The following CCDC171 variants were observed in gnomAD, a reference collection of about 807,000 sequenced individuals.
CCDC171 encodes the protein coiled-coil domain containing 171, also known as coiled-coil domain-containing protein 171.
Under a neutral mutation model 168.2 loss-of-function variants are expected in CCDC171, and 177 were observed. The observed-to-expected ratio is 1.05, with a 90% confidence interval of 0.93 to 1.19. CCDC171 has a LOEUF of 1.19. CCDC171 is among the 50% of genes most tolerant of loss of function. The pLI is 0.00. For missense variants in CCDC171, 1,991 were observed against 1,539.0 expected, an observed-to-expected ratio of 1.29 and a Z score of -4.91; for synonymous variants, 687 against 540.8, an observed-to-expected ratio of 1.27 and a Z score of -3.75.
At chr9:16,051,217 A>G (rs1441078449) in intron 1 of CCDC171, among the ~76,000 whole-genome samples, 2 of 151,974 alleles carry the variant, frequency 1.3e-5, no homozygotes, top group Non-Finnish European at 2.9e-5. Context: ...GTCTTTGGGG[A>G]TGATAGCCCA....
chr9:15,999,645 C>T (rs1832481970), intron 3 of CCDC171, among the ~76,000 whole-genome samples: 1 of 152,194 alleles, frequency 6.6e-6, no homozygotes, highest in African/African-American at 2.4e-5. Context: ...AAGGACAAGG[C>T]TATAGAGACT....
At chr9:15,756,978 TTCTTTTGTAAATTGCTCAG>T (rs2056160901) in intron 18 of CCDC171, among the ~76,000 whole-genome samples, 1 of 152,222 alleles carries the variant, frequency 6.6e-6, no homozygotes, top group Non-Finnish European at 1.5e-5. Flanking sequence ...ATAAACCTCT[TTCTTTTGTAAATTGCTCAG>T]TCTCGGGTAT....
chr9:16,101,199 C>A, the CCDC171 span, among the ~76,000 whole-genome samples: 1 of 152,238 alleles, frequency 6.6e-6, no homozygotes, highest in Non-Finnish European at 1.5e-5. Context: ...TGCCTTTCAG[C>A]AGAGCCTGTA....
intron 6 of CCDC171, among the ~76,000 whole-genome samples, chr9:15,611,016 G>C (rs569072462): frequency 2.2e-3 from 333 of 152,166 alleles, no homozygotes; most frequent in Non-Finnish European, 1.7e-3. Context: ...GAGATCATGG[G>C]GGCAGATTTC....
At chr9:16,086,085 A>C in the CCDC171 span, among the ~76,000 whole-genome samples, 1 of 151,984 alleles carries the variant, frequency 6.6e-6, no homozygotes, top group African/African-American at 2.4e-5. Flanking sequence ...CTGGTCCTGG[A>C]CTTTTTTTGA....
chr9:15,602,937 C>T (rs1055939726), intron 6 of CCDC171, among the ~76,000 whole-genome samples: 3 of 151,846 alleles, frequency 2.0e-5, no homozygotes, highest in Admixed American at 1.3e-4. Flanking sequence ...AGATTACAGG[C>T]GTGAGCCATC....
At chr9:16,016,272 A>C (rs1452755853) in intron 3 of CCDC171, among the ~76,000 whole-genome samples, 3 of 152,058 alleles carry the variant, frequency 2.0e-5, no homozygotes, top group Admixed American at 6.6e-5. Flanking sequence ...GACATTTTTC[A>C]AATCCCCTTC....
rs541632760 is a variant in CCDC171, at chr9:15,627,577, C to G, written c.822+4164C>G. On this transcript the variant is annotated intron_variant, in intron 7 of 25. Coordinates refer to ENST00000380701, the MANE Select transcript of CCDC171 (RefSeq NM_173550.4). ...TTTCTGTCTTCATTTCGTTATGTAC[C>G]CAGTAGTCATTCAGGAGCAGGTTGT... 4.6e-5 allele frequency among the ~76,000 whole-genome samples: 7 copies of G among 152,174 alleles called. No individual in the cohort carries two copies. In the South Asian group the frequency reaches 1.2e-3, roughly 27 times the overall value.
chr9:15,749,029 A>G (rs968131925), intron 18 of CCDC171, among the ~76,000 whole-genome samples: 24 of 152,166 alleles, frequency 1.6e-4, no homozygotes, highest in African/African-American at 5.1e-4. Flanking sequence ...GGTAAATTGG[A>G]TAAAGAGTCA....
intron 5 of CCDC171, among the ~76,000 whole-genome samples, chr9:15,592,521 G>A (rs1410739363): frequency 6.6e-6 from 1 of 152,108 alleles, no homozygotes; most frequent in Non-Finnish European, 1.5e-5. Flanking sequence ...TGTTGTCATT[G>A]TCAGCAAATT....
Position 15,971,678 on chromosome 9 carries a change from A to T in CCDC171, c.3823A>T (p.Ile1275Phe). ...RAPLPADTTG[I>F]GDFLPLKAEL... is the part of the protein sequence containing the mutation. Reference sequence around the variant, plus strand: ...TCCTCTTCCTGCTGACACAACTGGTATTGGGGATTTCTTACCATTGAAAGC... The same window carrying T: ...TCCTCTTCCTGCTGACACAACTGGTTTTGGGGATTTCTTACCATTGAAAGC... The change falls in exon 26 of 26, where the codon ATT becomes TTT. Residue 1275 changes from isoleucine to phenylalanine, a missense_variant. Physicochemically the swap from Ile to Phe is conservative, Grantham distance 21. Transcript: ENST00000380701. 6.2e-7 allele frequency: 1 copy of T among 1,613,842 alleles called. No homozygotes were observed. The highest frequency in any genetic ancestry group is 1.1e-5 in the South Asian group (1 of 91,072).
intron 12 of CCDC171, 98 bp from the exon 13 acceptor site, chr9:15,723,583 G>T: frequency 4.0e-6 from 3 of 758,254 alleles, no homozygotes; most frequent in Admixed American, 2.8e-5. Flanking sequence ...TGCATAAAAA[G>T]CACTTAAAGA....
chr9:15,972,045 A>G lies in CCDC171; in HGVS notation c.*209A>G, dbSNP rs1831412916. The G allele has an allele frequency of 5.8e-6, 3 of 514,598 alleles. No individual in the cohort carries two copies. The highest frequency in any genetic ancestry group is 1.0e-5 in the Non-Finnish European group (3 of 293,474). The allele number at this position is 514,598 out of a possible 1,614,324, so 31.9% of individuals were successfully genotyped here. A position where few individuals can be genotyped will look rare whatever the true frequency, so the allele number is the denominator to read the frequency against. On this transcript the variant is annotated 3_prime_UTR_variant, in exon 26 of 26. Transcript: ENST00000380701. ...CTCTCCAAGTTTTATTTGTTATCAC[A>G]GTTGCTCATTTTTATGTAACATATT... is the stretch of plus-strand genomic sequence containing the variant.
intron 24 of CCDC171, among the ~76,000 whole-genome samples, chr9:15,879,555 G>A (rs566327321): frequency 6.6e-6 from 1 of 151,782 alleles, no homozygotes; most frequent in South Asian, 2.1e-4. Context: ...AACTATTTTT[G>A]TACTCTTTAA....
chr9:15,865,761 G>A (rs2061752891), intron 23 of CCDC171, among the ~76,000 whole-genome samples: 1 of 151,602 alleles, frequency 6.6e-6, no homozygotes, highest in Admixed American at 6.6e-5. Context: ...GTTAAGTTTT[G>A]GGGGAGTCAG....
chr9:15,879,516 T>G (rs186634711), intron 24 of CCDC171, among the ~76,000 whole-genome samples: 2 of 152,320 alleles, frequency 1.3e-5, no homozygotes, highest in South Asian at 2.1e-4. Flanking sequence ...TATTATACTA[T>G]TGAATATTAG....
intron 10 of CCDC171, among the ~76,000 whole-genome samples, chr9:15,679,714 GT>G (rs2049909352): frequency 6.6e-6 from 1 of 152,002 alleles, no homozygotes; most frequent in South Asian, 2.1e-4. Context: ...TGCTTGGCTA[GT>G]TTAAAAATTT....
At chr9:15,766,091 G>C (rs1308368896) in intron 18 of CCDC171, among the ~76,000 whole-genome samples, 1 of 151,990 alleles carries the variant, frequency 6.6e-6, no homozygotes, top group Non-Finnish European at 1.5e-5. Context: ...TAAAAGATTT[G>C]GGCTTCCTAA....
intron 8 of CCDC171, among the ~76,000 whole-genome samples, chr9:15,665,202 C>T (rs912081703): frequency 2.6e-5 from 4 of 152,036 alleles, no homozygotes; most frequent in African/African-American, 9.7e-5. Context: ...TCACAGCCCA[C>T]GGCAGCTTCT....
Sources: gnomAD v4.1 joint callset for allele counts (sites outside exome capture counted in the v4.1 genomes callset) on GRCh38, gnomAD v4.1.1 for gene constraint, MANE v1.5 for transcripts, NCBI Gene and HGNC (gene_info 2026-07-23, HGNC 2026-07-21) for gene names.